The following GREB1L variants were observed in gnomAD, a reference collection of about 807,000 sequenced individuals.
The protein encoded by GREB1L is GREB1 like retinoic acid receptor coactivator.
A neutral mutation model predicts 200.8 loss-of-function variants in GREB1L; 17 were observed. The observed-to-expected ratio is 0.08, with a 90% CI of 0.06 to 0.13. The LOEUF (loss-of-function observed/expected upper bound fraction) is 0.13. GREB1L is among the 10% of genes least tolerant of loss of function. The pLI is 1.00. For missense variants in GREB1L, 1,657 were observed against 2,367.7 expected, an observed-to-expected ratio of 0.70 and a Z score of 6.23; for synonymous variants, 789 against 893.0, an observed-to-expected ratio of 0.88 and a Z score of 2.08.
chr18:21,307,823 C>T (rs1239826979), intron 1 of GREB1L, among the ~76,000 whole-genome samples: 4 of 152,190 alleles, frequency 2.6e-5, no homozygotes, highest in East Asian at 1.9e-4. Flanking sequence ...TTGGGCTGCC[C>T]GTGCCCCTCG....
At chr18:21,268,157 G>C (rs1325139558) in intron 1 of GREB1L, among the ~76,000 whole-genome samples, 1 of 151,990 alleles carries the variant, frequency 6.6e-6, no homozygotes, top group African/African-American at 2.4e-5. Context: ...AGACTTAATA[G>C]GGGTAGGCAG....
chr18:21,343,962 G>A (rs1019215547), intron 1 of GREB1L, among the ~76,000 whole-genome samples: 3 of 152,038 alleles, frequency 2.0e-5, no homozygotes, highest in Admixed American at 6.6e-5. Flanking sequence ...TTTTAGTAGA[G>A]ACTGGTTTGA....
At chr18:21,519,722 T>C (rs916485086) in intron 31 of GREB1L, among the ~76,000 whole-genome samples, 8 of 152,144 alleles carry the variant, frequency 5.3e-5, no homozygotes, top group Non-Finnish European at 1.0e-4. Flanking sequence ...AACTGAGGTA[T>C]AGTGAAATGA....
chr18:21,320,242 A>G (rs1471758686), intron 1 of GREB1L, among the ~76,000 whole-genome samples: 5 of 152,228 alleles, frequency 3.3e-5, no homozygotes, highest in African/African-American at 4.8e-5. Context: ...TGGTAAATGA[A>G]GAATACTAAC....
At chr18:21,327,615 T>C (rs1453839074) in intron 1 of GREB1L, among the ~76,000 whole-genome samples, 2 of 151,940 alleles carry the variant, frequency 1.3e-5, no homozygotes, top group Admixed American at 6.6e-5. Context: ...CACCATTCTT[T>C]TGAGTACAGT....
chr18:21,485,378 A>G (rs1199567140), intron 17 of GREB1L: 2 of 382,988 alleles, frequency 5.2e-6, no homozygotes, highest in Non-Finnish European at 9.4e-6. Flanking sequence ...CATGTGCCTG[A>G]AGGAAGTGTG....
intron 1 of GREB1L, among the ~76,000 whole-genome samples, chr18:21,345,871 CA>C (rs34189374): frequency 0.029 from 2,193 of 76,150 alleles, 31 homozygotes; most frequent in African/African-American, 0.081. Context: ...GACTCCATCT[CA>C]AAAAAAAAAA....
chr18:21,315,797 CAG>C, intron 1 of GREB1L, among the ~76,000 whole-genome samples: 1 of 152,256 alleles, frequency 6.6e-6, no homozygotes, highest in South Asian at 2.1e-4. Flanking sequence ...CCAGAATTCT[CAG>C]ACTCTTTGGA....
chr18:21,488,362 A>G (rs2036205880), intron 18 of GREB1L, among the ~76,000 whole-genome samples: 1 of 152,160 alleles, frequency 6.6e-6, no homozygotes, highest in Non-Finnish European at 1.5e-5. Context: ...CAGTTCTAAA[A>G]CACCTCAAAA....
chr18:21,501,639 T>C (rs959915164), intron 23 of GREB1L, among the ~76,000 whole-genome samples: 16 of 152,232 alleles, frequency 1.1e-4, no homozygotes, highest in African/African-American at 3.4e-4. Context: ...TGGTTAACTA[T>C]TGTAAAATTC....
chr18:21,466,609 C>T (rs1305600468), intron 15 of GREB1L, among the ~76,000 whole-genome samples: 1 of 151,802 alleles, frequency 6.6e-6, no homozygotes, highest in Non-Finnish European at 1.5e-5. Flanking sequence ...TTAAAGAATA[C>T]CTAAATAAAT....
At position 21,513,999 on chromosome 18, in the gene GREB1L, G is replaced by A; in HGVS notation, c.4901+13G>A. 1.3e-6 allele frequency: 2 copies of A among 1,550,094 alleles called. No individual in the cohort carries two copies. The highest frequency in any genetic ancestry group is 1.7e-6 in the Non-Finnish European group (2 of 1,145,768). The stretch of plus-strand genomic sequence containing the variant: ...AGGAGCCATCCAGGTAGACTTCCAA[G>A]CTGGGGGCGTATGACACAATGCTAT... On this transcript the variant is annotated intron_variant, in intron 28 of 32. Transcript: ENST00000424526.
intron 1 of GREB1L, among the ~76,000 whole-genome samples, chr18:21,308,271 T>C (rs2038733605): frequency 6.6e-6 from 1 of 152,214 alleles, no homozygotes; most frequent in Non-Finnish European, 1.5e-5. Context: ...GTTTATGAAA[T>C]AGCTACTGTA....
intron 1 of GREB1L, among the ~76,000 whole-genome samples, chr18:21,334,876 G>C (rs890921504): frequency 6.6e-6 from 1 of 152,116 alleles, no homozygotes; most frequent in Non-Finnish European, 1.5e-5. Flanking sequence ...AATTCATCTT[G>C]ATGACTTAGA....
chr18:21,434,499 A>ATG (rs67516917), intron 7 of GREB1L, among the ~76,000 whole-genome samples: 1,290 of 127,266 alleles, frequency 0.01, 22 homozygotes, highest in African/African-American at 0.033. Flanking sequence ...ATATATATAT[A>ATG]TGTGTGTGTG....
chr18:21,393,179 A>T (rs948746831), intron 4 of GREB1L, among the ~76,000 whole-genome samples: 1 of 152,212 alleles, frequency 6.6e-6, no homozygotes, highest in Admixed American at 6.5e-5. Flanking sequence ...AATTGATGCT[A>T]GGAGAATCTA....
rs917926956 is a variant in GREB1L at position 21,524,826 on chromosome 18, T to C, written c.*2005T>C. 6.6e-6 allele frequency: 1 copy of C among 152,070 alleles called. No individual in the cohort carries two copies. The highest frequency in any genetic ancestry group is 6.6e-5 in the Admixed American group (1 of 15,252). 9.4% of individuals were successfully genotyped at this position (152,070 alleles called of 1,614,324 possible). ...ATACTATTTAACTCTGGAAGAGATA[T>C]GCCAGAATAAAGCCAAAAGACCATC... On this transcript the variant is annotated 3_prime_UTR_variant, in exon 33 of 33. Coordinates refer to ENST00000424526, the MANE Select transcript of GREB1L (RefSeq NM_001142966.3).
chr18:21,425,578 C>G (rs2032500869), intron 7 of GREB1L, among the ~76,000 whole-genome samples: 1 of 152,166 alleles, frequency 6.6e-6, no homozygotes, highest in African/African-American at 2.4e-5. Context: ...TTATTATAGC[C>G]ACCCTTGTGG....
intron 1 of GREB1L, among the ~76,000 whole-genome samples, chr18:21,282,096 C>T (rs947622553): frequency 3.9e-5 from 6 of 152,016 alleles, no homozygotes; most frequent in Non-Finnish European, 1.5e-5. Context: ...GACTTAGTGA[C>T]ACCCCACATT....
Sources: gnomAD v4.1 joint callset for allele counts (sites outside exome capture counted in the v4.1 genomes callset) on GRCh38, gnomAD v4.1.1 for gene constraint, MANE v1.5 for transcripts, NCBI Gene and HGNC (gene_info 2026-07-23, HGNC 2026-07-21) for gene names.